PTPRF: variants seen among roughly 807,000 people sequenced by gnomAD.
PTPRF encodes protein tyrosine phosphatase receptor type F, also known as receptor-type tyrosine-protein phosphatase F.
In PTPRF, 59 loss-of-function variants were observed where a neutral mutation model predicts 201.8. The ratio of observed to expected loss-of-function variants is 0.29; its 90% CI spans 0.24 to 0.36. The LOEUF (loss-of-function observed/expected upper bound fraction) is 0.36, where lower values mean the gene tolerates loss of function less well. PTPRF is among the 10% of genes least tolerant of loss of function. The pLI is 1.00. For missense variants in PTPRF, 2,132 were observed against 2,690.5 expected, an observed-to-expected ratio of 0.79 and a Z score of 4.59; for synonymous variants, 1,088 against 1,089.7, an observed-to-expected ratio of 1.00 and a Z score of 0.03.
chr1:43,545,912 AGCCCGCCCCATC>A (rs1644639881), intron 3 of PTPRF, among the ~76,000 whole-genome samples: 1 of 152,134 alleles, frequency 6.6e-6, no homozygotes, highest in African/African-American at 2.4e-5. Flanking sequence ...GACTGGCCTC[AGCCCGCCCCATC>A]GCCATGGTTA....
chr1:43,597,098 CTGTGAGAGACTG>C (rs1337239860), intron 11 of PTPRF, among the ~76,000 whole-genome samples: 1 of 151,248 alleles, frequency 6.6e-6, no homozygotes, highest in Non-Finnish European at 1.5e-5. Flanking sequence ...TGTGTATTTA[CTGTGAGAGACTG>C]TGTGAGAGAC....
In PTPRF at chr1:43,621,920, C is replaced by T; in HGVS notation, c.5656-15C>T. 2 of 1,614,006 alleles carry T rather than the reference C, an allele frequency of 1.2e-6. No homozygotes were observed. Among genetic ancestry groups the T allele is most frequent in the Middle Eastern group, 1.7e-4 (1 of 6,060 alleles). On this transcript the variant is annotated splice_polypyrimidine_tract_variant and intron_variant, in intron 33 of 33. Transcript: ENST00000359947. ...ACTGGCGCGACCCACACTGACCAGC[C>T]CCCTATCCTGGCAGGACCAGTATCA...
chr1:43,590,052 A>G (rs1398935677), intron 8 of PTPRF, among the ~76,000 whole-genome samples: 1 of 152,126 alleles, frequency 6.6e-6, no homozygotes, highest in Non-Finnish European at 1.5e-5. Flanking sequence ...ACAGATCAGG[A>G]TCCTCACTGT....
chr1:43,580,338 ATGGGAGAGGG>A (rs1181583609), intron 7 of PTPRF, among the ~76,000 whole-genome samples: 15 of 152,206 alleles, frequency 9.9e-5, no homozygotes, highest in Non-Finnish European at 2.1e-4. Flanking sequence ...GCTGTCTGTC[ATGGGAGAGGG>A]TGGTTCTGGA....
chr1:43,538,711 G>C (rs981887755), intron 2 of PTPRF, among the ~76,000 whole-genome samples: 2 of 152,188 alleles, frequency 1.3e-5, no homozygotes, highest in African/African-American at 4.8e-5. Flanking sequence ...CATTCGCCAC[G>C]TTTCTGTAGA....
At chr1:43,570,068 G>A (rs993675601) in intron 6 of PTPRF, among the ~76,000 whole-genome samples, 6 of 152,234 alleles carry the variant, frequency 3.9e-5, no homozygotes, top group Non-Finnish European at 7.3e-5. Context: ...GTGCTCTATG[G>A]ATGTTCACCC....
At chr1:43,549,448 G>T (rs1011529163) in intron 3 of PTPRF, among the ~76,000 whole-genome samples, 2 of 152,226 alleles carry the variant, frequency 1.3e-5, no homozygotes, top group Non-Finnish European at 2.9e-5. Context: ...CTCAAAGGCA[G>T]GGAGGAGTCT....
intron 5 of PTPRF, 124 bp from the exon 6 acceptor site, chr1:43,569,466 T>G: frequency 1.0e-6 from 1 of 958,432 alleles, no homozygotes; most frequent in Non-Finnish European, 1.5e-6. Context: ...TGCTTAGAAG[T>G]CAAGGAAAGG....
intron 3 of PTPRF, among the ~76,000 whole-genome samples, chr1:43,550,330 T>C (rs963840473): frequency 6.6e-6 from 1 of 152,176 alleles, no homozygotes; most frequent in African/African-American, 2.4e-5. Flanking sequence ...CCTCTCCGCT[T>C]CTTTGTTTGG....
chr1:43,604,927 C>T lies in PTPRF; in HGVS notation c.3062C>T (p.Ala1021Val), dbSNP rs147874335. ...EQVFAKNFRV[A>V]AAMKTSVLLS... ...GTGTTTGCCAAGAACTTCCGGGTGG[C>T]GGCTGCAATGAAGACGTCTGTGCTG... Residue 1021 changes from alanine (A) to valine (V), a missense_variant, in exon 17 of 34, where the codon GCG becomes GTG. Around this residue, in one of 6 missense-constraint regions of PTPRF, gnomAD observed 818 missense variants for 915.3 expected, o/e 0.89. Transcript: ENST00000359947. 395 of 1,614,068 alleles carry T rather than the reference C, an allele frequency of 2.4e-4. 3 individuals are homozygous for T. The highest frequency in any genetic ancestry group is 2.1e-3 in the Middle Eastern group (13 of 6,062).
chr1:43,556,380 G>T (rs1645377588), intron 5 of PTPRF, among the ~76,000 whole-genome samples: 1 of 152,148 alleles, frequency 6.6e-6, no homozygotes. Context: ...TCCTGCCTCA[G>T]CCTCCCAAGT....
chr1:43,534,932 T>C (rs190165901), intron 1 of PTPRF, among the ~76,000 whole-genome samples: 156 of 152,312 alleles, frequency 1.0e-3, no homozygotes, highest in Non-Finnish European at 4.7e-4. Context: ...CCGTGCCTTA[T>C]AAGGGTTGTT....
chr1:43,525,804 C>CAAA (rs1179056466), upstream of PTPRF, among the ~76,000 whole-genome samples: 342 of 35,384 alleles, frequency 9.7e-3, 54 homozygotes, highest in African/African-American at 0.026. Flanking sequence ...GACTCAGTCT[C>CAAA]AAAAAAAAAA....
At chr1:43,557,274 C>G (rs1057448065) in intron 5 of PTPRF, among the ~76,000 whole-genome samples, 48 of 152,238 alleles carry the variant, frequency 3.2e-4, no homozygotes, top group African/African-American at 8.7e-4. Context: ...GGCAGCCTTA[C>G]CTTTCAAAGG....
chr1:43,616,858 A>G (rs1476110228), intron 23 of PTPRF, among the ~76,000 whole-genome samples: 1 of 151,988 alleles, frequency 6.6e-6, no homozygotes, highest in Non-Finnish European at 1.5e-5. Context: ...GTCACCCAGG[A>G]AAGGTTGTAG....
intron 6 of PTPRF, among the ~76,000 whole-genome samples, chr1:43,574,005 T>C (rs2153991425): frequency 1.3e-5 from 1 of 78,044 alleles, no homozygotes; most frequent in Non-Finnish European, 2.5e-5. Flanking sequence ...TTTTTTTTTT[T>C]TTTTTTTTGA....
intron 23 of PTPRF, among the ~76,000 whole-genome samples, chr1:43,616,484 CA>C (rs1449009843): frequency 6.6e-6 from 1 of 151,262 alleles, no homozygotes; most frequent in African/African-American, 2.4e-5. Context: ...GGCTGAGCCT[CA>C]ATTGGGGTGG....
chr1:43,614,351 G>A (rs1235845595), intron 23 of PTPRF, among the ~76,000 whole-genome samples: 2 of 152,186 alleles, frequency 1.3e-5, no homozygotes, highest in African/African-American at 4.8e-5. Context: ...TCGGGGCCTC[G>A]AGACTGGCTG....
At chr1:43,559,736 GCT>G (rs946737689) in intron 5 of PTPRF, among the ~76,000 whole-genome samples, 25 of 146,860 alleles carry the variant, frequency 1.7e-4, no homozygotes, top group African/African-American at 6.1e-4. Context: ...TATGTATCAG[GCT>G]CTGTGTGTGT....
Sources: gnomAD v4.1 joint callset for allele counts (sites outside exome capture counted in the v4.1 genomes callset) on GRCh38, gnomAD v4.1.1 for gene constraint, gnomAD v4.1.1 regional missense constraint, MANE v1.5 for transcripts, NCBI Gene and HGNC (gene_info 2026-07-23, HGNC 2026-07-21) for gene names.